CXCL16: variants seen among roughly 807,000 people sequenced by gnomAD.
CXCL16 encodes the protein C-X-C motif chemokine ligand 16, also known as C-X-C motif chemokine 16.
CXCL16 carries 18 observed loss-of-function variants against 23.8 expected under a neutral mutation model. That is an observed-to-expected ratio of 0.76 (90% CI 0.52 to 1.12). The LOEUF is 1.12. Among genes scored for constraint, CXCL16 ranks in the 50% most tolerant of loss-of-function variants. CXCL16 has a pLI of 0.00. For missense variants in CXCL16, 297 were observed against 315.4 expected (o/e 0.94, Z 0.44); for synonymous variants, 123 against 132.5 (o/e 0.93, Z 0.49).
Position 4,735,419 on chromosome 17 carries a change from A to T in CXCL16, c.391T>A (p.Ser131Thr). ...TGGGCAGGGGTGTGGATATCTGAAG[A>T]TGCCCCCTCTGAGGCCTGAGAAATT... ...PPISQASEGA[S>T]SDIHTPAQML... The change falls in exon 4 of 6, where the codon TCT (serine) becomes ACT (threonine). Residue 131 changes from serine to threonine, a missense_variant. Physicochemically the swap from Ser to Thr is moderately conservative, Grantham distance 58. Transcript: ENST00000293778. 2 of 1,536,174 alleles carry T rather than the reference A, an allele frequency of 1.3e-6. No individual in the cohort carries two copies. The highest frequency in any genetic ancestry group is 1.8e-6 in the Non-Finnish European group (2 of 1,136,048).
At chr17:4,737,574 TTAAAAAAA>T (rs1481934518) in intron 3 of CXCL16, among the ~76,000 whole-genome samples, 7 of 31,502 alleles carry the variant, frequency 2.2e-4, no homozygotes, top group Non-Finnish European at 4.1e-4. Context: ...CAAGACTCCA[TTAAAAAAA>T]AAAAAAAAAA....
Position 4,739,132 on chromosome 17 carries a change from G to A in CXCL16, c.79+129C>T. On this transcript the variant is annotated intron_variant, in intron 1 of 5. Coordinates refer to ENST00000293778, the MANE Select transcript of CXCL16 (RefSeq NM_001386809.1). This position sits in a 1 kb window ranked among gnomAD's most constrained non-coding sequence, Gnocchi z 5.3. ...CGGGCCTCTGTCCCCAACCCCAGGC[G>A]GCTGGCTGGCTTTCCTCTTGTCCCC... 6 of 1,313,820 alleles carry A rather than the reference G, an allele frequency of 4.6e-6. No homozygotes were observed. Among genetic ancestry groups the A allele is most frequent in the South Asian group, 4.3e-5 (3 of 70,262 alleles). 81.4% of individuals were successfully genotyped at this position (1,313,820 alleles called of 1,614,324 possible).
chr17:4,739,043 G>A lies in CXCL16; in HGVS notation c.80-123C>T. On this transcript the variant is annotated intron_variant, in intron 1 of 5. Coordinates refer to ENST00000293778, the MANE Select transcript of CXCL16 (RefSeq NM_001386809.1). The surrounding 1 kb of genome is among the most constrained non-coding windows in gnomAD (Gnocchi z 5.3). ...GGTGGACCCAGGGTCAGAGCGCCAG[G>A]CTCAACCCACACATCATCACGCCCC... The A allele has an allele frequency of 7.6e-7, 1 of 1,310,920 alleles. No homozygotes were observed. Among genetic ancestry groups the A allele is most frequent in the Non-Finnish European group, 1.0e-6 (1 of 963,034 alleles). 81.2% of individuals were successfully genotyped at this position (1,310,920 alleles called of 1,614,324 possible). A position where few individuals can be genotyped will look rare whatever the true frequency, so the allele number is the denominator to read the frequency against.
rs754040328 is a variant in CXCL16 at position 4,738,960 on chromosome 17, C to A, written c.80-40G>T. On this transcript the variant is annotated intron_variant, in intron 1 of 5. Transcript: ENST00000293778. This position sits in a 1 kb window ranked among gnomAD's most constrained non-coding sequence, Gnocchi z 4.0. ...GGTGGTCGGCACCCATTCCCAGGCC[C>A]AGGGTCCCCACTCCGCTGTTCCCTG... is the stretch of plus-strand genomic sequence containing the variant. The A allele has an allele frequency of 1.2e-6, 2 of 1,605,262 alleles. No individual in the cohort carries two copies. The highest frequency in any genetic ancestry group is 3.4e-5 in the Admixed American group (2 of 59,378).
In CXCL16 at chr17:4,739,538, C is replaced by A; in HGVS notation, c.-199G>T. ...CCGTGCGCTCAGTACTCGGCCCGCG[C>A]CATGCCAGCCTCTGGACGCAGGGAA... On this transcript the variant is annotated 5_prime_UTR_variant, in exon 1 of 6. Transcript: ENST00000293778. The surrounding 1 kb of genome is among the most constrained non-coding windows in gnomAD (Gnocchi z 5.3). 1.3e-6 allele frequency: 1 copy of A among 776,434 alleles called. No homozygotes were observed. Among genetic ancestry groups the A allele is most frequent in the Middle Eastern group, 3.7e-4 (1 of 2,726 alleles). The allele number at this position is 776,434 out of a possible 1,614,324, so 48.1% of individuals were successfully genotyped here. A position where few individuals can be genotyped will look rare whatever the true frequency, so the allele number is the denominator to read the frequency against.
In CXCL16 at chr17:4,735,092, CT is replaced by C; in HGVS notation, c.717del (p.Asp240IlefsTer37). 1 of 1,601,544 alleles carries C rather than the reference CT, an allele frequency of 6.2e-7. No homozygotes were observed. Among genetic ancestry groups the C allele is most frequent in the South Asian group, 1.1e-5 (1 of 90,814 alleles). On this transcript the variant is annotated frameshift_variant and splice_region_variant, in exon 4 of 6. Coordinates refer to ENST00000293778, the MANE Select transcript of CXCL16 (RefSeq NM_001386809.1). LOFTEE classifies it high-confidence loss of function. ...GGGAGGGTTCAAAGGTCCAGTTTAC[CT>C]GGAGAGGACTGCGGTGACTGCCCCC... is the stretch of plus-strand genomic sequence containing the variant. ...RRRGQSPQSS[P>X]DLPVHYIPVA... is the part of the protein sequence containing the mutation.
Position 4,733,721 on chromosome 17 carries a change from C to T in CXCL16, c.*782G>A, listed in dbSNP as rs4790696. ...GAGGGTGGGAAAGCCCAGGCCTTCG[C>T]TGCGGGTACAGGAGGATGCAGGAGA... On this transcript the variant is annotated 3_prime_UTR_variant, in exon 6 of 6. Coordinates refer to ENST00000293778, the MANE Select transcript of CXCL16 (RefSeq NM_001386809.1). 0.98 allele frequency: 151,187 copies of T among 153,974 alleles called. 74,278 individuals carry two copies. Among genetic ancestry groups the T allele is most frequent in the East Asian group, 1 (5,192 of 5,192 alleles). The allele number at this position is 153,974 out of a possible 1,614,324, so 9.5% of individuals were successfully genotyped here. A position where few individuals can be genotyped will look rare whatever the true frequency, so the allele number is the denominator to read the frequency against.
At position 4,735,129 on chromosome 17, in the gene CXCL16, G is replaced by C. The variant is rs141041811; in HGVS notation, c.681C>G (p.Cys227Trp). 5 of 1,613,276 alleles carry C rather than the reference G, an allele frequency of 3.1e-6. No homozygotes were observed. The African/African-American group carries it at 6.7e-5, about 22-fold the overall frequency. Reference protein sequence around the residue: ...ILTAALSYVLCKRRRGQSPQS... With the variant: ...ILTAALSYVLWKRRRGQSPQS... ...GCGGTGACTGCCCCCTCCTCCTCTT[G>C]CACAGCACATAGGAAAGGGCTGCGG... The change falls in exon 4 of 6, where the codon TGC (cysteine) becomes TGG (tryptophan). Residue 227 changes from cysteine to tryptophan, a missense_variant. Physicochemically the swap from Cys to Trp is radical, Grantham distance 215. Transcript: ENST00000293778.
At position 4,734,457 on chromosome 17, in the gene CXCL16, C is replaced by T. The variant is rs1916090008; in HGVS notation, c.*46G>A. ...ACTTGACTCAGGAGTTCCATAACAG[C>T]CTGGGCAACATAGAGTCCGTCTCTA... On this transcript the variant is annotated 3_prime_UTR_variant, in exon 6 of 6. Coordinates refer to ENST00000293778, the MANE Select transcript of CXCL16 (RefSeq NM_001386809.1). 4 of 589,604 alleles carry T rather than the reference C, an allele frequency of 6.8e-6. No homozygotes were observed. Among genetic ancestry groups the T allele is most frequent in the East Asian group, 3.1e-5 (1 of 32,096 alleles). The allele number at this position is 589,604 out of a possible 1,614,324, so 36.5% of individuals were successfully genotyped here. A position where few individuals can be genotyped will look rare whatever the true frequency, so the allele number is the denominator to read the frequency against.
chr17:4,738,318 C>G lies in CXCL16; in HGVS notation c.301+90G>C. On this transcript the variant is annotated intron_variant, in intron 3 of 5. Coordinates refer to ENST00000293778, the MANE Select transcript of CXCL16 (RefSeq NM_001386809.1). The surrounding 1 kb of genome is among the most constrained non-coding windows in gnomAD (Gnocchi z 4.0). ...AAGAAGGTTCTAGGAATGTGCGGCC[C>G]CAGGGGAAAAGGCTCAGGTAAAGAA... 3 of 1,001,962 alleles carry G rather than the reference C, an allele frequency of 3.0e-6. No individual in the cohort carries two copies. Among genetic ancestry groups the G allele is most frequent in the Non-Finnish European group, 4.7e-6 (3 of 635,488 alleles). 62.1% of individuals were successfully genotyped at this position (1,001,962 alleles called of 1,614,324 possible). A position where few individuals can be genotyped will look rare whatever the true frequency, so the allele number is the denominator to read the frequency against.
chr17:4,734,685 C>T (rs1236029754), intron 4 of CXCL16, 33 bp from the exon 5 acceptor site: 1 of 1,576,530 alleles, frequency 6.3e-7, no homozygotes, highest in Non-Finnish European at 8.7e-7. Flanking sequence ...GAGATGAGCT[C>T]TGAGATCAAG....
At position 4,739,349 on chromosome 17, in the gene CXCL16, C is replaced by T. The variant is rs1321542524; in HGVS notation, c.-10G>A. 1 of 1,613,296 alleles carries T rather than the reference C, an allele frequency of 6.2e-7. No individual in the cohort carries two copies. The highest frequency in any genetic ancestry group is 2.2e-5 in the East Asian group (1 of 44,810). On this transcript the variant is annotated 5_prime_UTR_variant, in exon 1 of 6. Transcript: ENST00000293778. This position sits in a 1 kb window ranked among gnomAD's most constrained non-coding sequence, Gnocchi z 5.3. ...GCAAGTCCCGTCCCATCTCGGGGCT[C>T]CGCGGACTCTGCGGGGATGGAGCCA...
In CXCL16 at chr17:4,735,267, A is replaced by C. The variant is rs1237750017; in HGVS notation, c.543T>G (p.Ala181=). ...TCTGGTTCTCCCCAGCCTCAGGCCC[A>C]GCTGCCAGACTGTGGCCCGCAGTGT... is the stretch of plus-strand genomic sequence containing the variant. ...TIHTAGHSLA[A]GPEAGENQKQ... Residue 181 remains alanine (A), a synonymous_variant, in exon 4 of 6, where the codon GCT becomes GCG. Coordinates refer to ENST00000293778, the MANE Select transcript of CXCL16 (RefSeq NM_001386809.1). 6.2e-7 allele frequency: 1 copy of C among 1,614,148 alleles called. No individual in the cohort carries two copies. The highest frequency in any genetic ancestry group is 8.5e-7 in the Non-Finnish European group (1 of 1,180,020).
At position 4,738,759 on chromosome 17, in the gene CXCL16, C is replaced by G. The variant is rs759452547; in HGVS notation, c.218+23G>C. 6.2e-7 allele frequency: 1 copy of G among 1,612,186 alleles called. No homozygotes were observed. Among genetic ancestry groups the G allele is most frequent in the South Asian group, 1.1e-5 (1 of 90,964 alleles). ...AAGGAGGGGCCGCCCAGGCGCTGCC[C>G]TCGCAGAGGCAGGTAAAATTACCTC... On this transcript the variant is annotated intron_variant, in intron 2 of 5. Coordinates refer to ENST00000293778, the MANE Select transcript of CXCL16 (RefSeq NM_001386809.1). The surrounding 1 kb of genome is among the most constrained non-coding windows in gnomAD (Gnocchi z 4.0).
chr17:4,735,717 G>C (rs999118584), intron 3 of CXCL16, among the ~76,000 whole-genome samples: 3 of 4,978 alleles, frequency 6.0e-4, no homozygotes, highest in African/African-American at 6.6e-4. Flanking sequence ...CAGAAACAAA[G>C]ACCCGAGAAA....
At position 4,739,517 on chromosome 17, in the gene CXCL16, G is replaced by A. The variant is rs1916280718; in HGVS notation, c.-178C>T. On this transcript the variant is annotated 5_prime_UTR_variant, in exon 1 of 6. Transcript: ENST00000293778. The surrounding 1 kb of genome is among the most constrained non-coding windows in gnomAD (Gnocchi z 5.3). The stretch of plus-strand genomic sequence containing the variant: ...CCCGGCCCTGCTGTGCCCCGACCGT[G>A]CGCTCAGTACTCGGCCCGCGCCATG... 1.1e-6 allele frequency: 1 copy of A among 933,674 alleles called. No individual in the cohort carries two copies. Among genetic ancestry groups the A allele is most frequent in the Non-Finnish European group, 1.6e-6 (1 of 628,340 alleles). 57.8% of individuals were successfully genotyped at this position (933,674 alleles called of 1,614,324 possible). A position where few individuals can be genotyped will look rare whatever the true frequency, so the allele number is the denominator to read the frequency against.
chr17:4,737,595 A>G (rs1387253302), intron 3 of CXCL16, among the ~76,000 whole-genome samples: 3 of 148,810 alleles, frequency 2.0e-5, no homozygotes, highest in Non-Finnish European at 4.5e-5. Context: ...AAAAAAAAAA[A>G]AAAAGAAATG....
At position 4,733,833 on chromosome 17, in the gene CXCL16, TCA is replaced by T. The variant is rs1916070629; in HGVS notation, c.*668_*669del. 6.6e-6 allele frequency: 1 copy of T among 152,586 alleles called. No homozygotes were observed. Among genetic ancestry groups the T allele is most frequent in the Admixed American group, 6.5e-5 (1 of 15,298 alleles). The allele number at this position is 152,586 out of a possible 1,614,324, so 9.5% of individuals were successfully genotyped here. A position where few individuals can be genotyped will look rare whatever the true frequency, so the allele number is the denominator to read the frequency against. Reference sequence around the variant, plus strand: ...CATCAGCAAAAAATGAAGCCAGGAATCACAGTAAGGGCGCAAGGGCTGAGGCC... The same window carrying T: ...CATCAGCAAAAAATGAAGCCAGGAATCAGTAAGGGCGCAAGGGCTGAGGCC... On this transcript the variant is annotated 3_prime_UTR_variant, in exon 6 of 6. Coordinates refer to ENST00000293778, the MANE Select transcript of CXCL16 (RefSeq NM_001386809.1).
chr17:4,739,254 G>T lies in CXCL16; in HGVS notation c.79+7C>A. The T allele has an allele frequency of 1.9e-6, 3 of 1,593,244 alleles. No individual in the cohort carries two copies. The highest frequency in any genetic ancestry group is 2.6e-6 in the Non-Finnish European group (3 of 1,169,678). On this transcript the variant is annotated splice_region_variant and intron_variant, in intron 1 of 5. Coordinates refer to ENST00000293778, the MANE Select transcript of CXCL16 (RefSeq NM_001386809.1). The surrounding 1 kb of genome is among the most constrained non-coding windows in gnomAD (Gnocchi z 5.3). ...AATCTGGGTCCCCTGCCCCGCCCCC[G>T]GCTAACCTGGCTGAGTCAGGTACAC...
Sources: gnomAD v4.1 joint callset for allele counts (sites outside exome capture counted in the v4.1 genomes callset) on GRCh38, gnomAD v4.1.1 for gene constraint, Gnocchi (gnomAD v3.1) non-coding constraint, MANE v1.5 for transcripts, NCBI Gene and HGNC (gene_info 2026-07-23, HGNC 2026-07-21) for gene names.